The following SRP14 variants were observed in gnomAD, a reference collection of about 807,000 sequenced individuals.
SRP14 encodes the protein signal recognition particle 14, also known as signal recognition particle 14 kDa protein.
SRP14 carries 1 observed loss-of-function variant against 16.0 expected under a neutral mutation model. The ratio of observed to expected loss-of-function variants is 0.06; its 90% confidence interval spans 0.02 to 0.30. The LOEUF (loss-of-function observed/expected upper bound fraction) is 0.30, where lower values mean the gene tolerates loss of function less well. Ranked by LOEUF, SRP14 falls within the 10% of genes least tolerant of loss-of-function variation. The probability of loss-of-function intolerance (pLI) is 1.00; values close to 1 mark genes in which losing one functional copy is unlikely to be tolerated. For missense variants in SRP14, 120 were observed against 163.1 expected (o/e 0.74, Z 1.44); for synonymous variants, 67 against 60.1 (o/e 1.12, Z -0.53).
intron 3 of SRP14, chr15:40,037,279 G>GTAAAAAAAAAAAAAAAAA: frequency 1.3e-6 from 1 of 740,792 alleles, no homozygotes; most frequent in Non-Finnish European, 1.7e-6. Context: ...TCCTTTTGGG[G>GTAAAAAAAAAAAAAAAAA]AAAAAAAAAA....
chr15:40,036,789 C>CA (rs1268222092), intron 4 of SRP14, 197 bp downstream of exon 4: 3 of 680,208 alleles, frequency 4.4e-6, no homozygotes, highest in African/African-American at 1.8e-5. Flanking sequence ...CAGCCTAAGA[C>CA]AAAATCTAAC....
rs1567014648 is a variant in SRP14 at position 40,037,615 on chromosome 15, C to CGTGGGAGA, written c.211-598_211-597insTCTCCCAC. Among the ~76,000 whole-genome samples, 122 of 96,450 alleles carry CGTGGGAGA rather than the reference C, an allele frequency of 1.3e-3. 29 individuals carry two copies. The highest frequency in any genetic ancestry group is 3.6e-3 in the South Asian group (10 of 2,784). 63.3% of individuals were successfully genotyped at this position (96,450 alleles called of 152,430 possible). Reference sequence around the variant, plus strand: ...TAGAAGTCCTCTCAAGATAACTTGTCCTTAGGTTTTTGTTATTTCATGATA... The same window carrying CGTGGGAGA: ...TAGAAGTCCTCTCAAGATAACTTGTCGTGGGAGACTTAGGTTTTTGTTATTTCATGATA... On this transcript the variant is annotated intron_variant, in intron 3 of 4. Coordinates refer to ENST00000267884, the MANE Select transcript of SRP14 (RefSeq NM_003134.6).
rs754073133 is a variant in SRP14, at chr15:40,036,407, C to T, written c.337G>A (p.Ala113Thr). Residue 113 changes from alanine (A) to threonine (T), a missense_variant, in exon 5 of 5, where the codon GCA (alanine) becomes ACA (threonine). Physicochemically the swap from Ala to Thr is moderately conservative, Grantham distance 58. Around this residue, in one of 3 missense-constraint regions of SRP14, gnomAD observed 43 missense variants for 37.0 expected, o/e 1.16. Transcript: ENST00000267884. ...GCTGCTGCGGCAGGTGCTGCTGCTGCTGCTGCTGCTGCTGCTTTGGTCTTC... is the reference window on the plus strand; with the variant it reads ...GCTGCTGCGGCAGGTGCTGCTGCTGTTGCTGCTGCTGCTGCTTTGGTCTTC... ...TKKTKAAAAAAAAAPAAAATA... is the reference protein window; with the variant it reads ...TKKTKAAAAATAAAPAAAATA... 1.4e-5 allele frequency: 23 copies of T among 1,613,170 alleles called. No individual in the cohort carries two copies. The highest frequency in any genetic ancestry group is 4.4e-5 in the South Asian group (4 of 90,862).
intron 3 of SRP14, chr15:40,037,294 A>AAAAAAAAAAAAAT (rs2035641706): frequency 4.4e-6 from 6 of 1,352,652 alleles, no homozygotes; most frequent in East Asian, 7.0e-5. Flanking sequence ...AAAAAAAAAA[A>AAAAAAAAAAAAAT]GCTTTGTTTC....
Position 40,036,053 on chromosome 15 carries a change from A to G in SRP14, c.*280T>C, listed in dbSNP as rs1042372157. On this transcript the variant is annotated 3_prime_UTR_variant, in exon 5 of 5. Coordinates refer to ENST00000267884, the MANE Select transcript of SRP14 (RefSeq NM_003134.6). ...AAAGAGACAGTGCTGATAAACAGACATGTTTAATGATAGCTTGCTCTTCAC... is the reference window on the plus strand; with the variant it reads ...AAAGAGACAGTGCTGATAAACAGACGTGTTTAATGATAGCTTGCTCTTCAC... 6.3e-6 allele frequency: 3 copies of G among 473,862 alleles called. No homozygotes were observed. Among genetic ancestry groups the G allele is most frequent in the African/African-American group, 1.9e-5 (1 of 51,454 alleles). The allele number at this position is 473,862 out of a possible 1,614,324, so 29.4% of individuals were successfully genotyped here.
At position 40,036,630 on chromosome 15, in the gene SRP14, C is replaced by G. The variant is rs118134816; in HGVS notation, c.244-130G>C. 2,048 of 890,278 alleles carry G rather than the reference C, an allele frequency of 2.3e-3. 24 individuals carry two copies. The East Asian group carries it at 0.027, about 12-fold the overall frequency. The allele number at this position is 890,278 out of a possible 1,614,324, so 55.1% of individuals were successfully genotyped here. On this transcript the variant is annotated intron_variant, in intron 4 of 4. Transcript: ENST00000267884. ...ATATAGCACCATTGGACACTTGTAC[C>G]GGAAAATGGTATAAGCATAAAACAC...
chr15:40,036,945 T>C (rs1236676056), intron 4 of SRP14, 41 bp downstream of exon 4: 2 of 1,610,202 alleles, frequency 1.2e-6, no homozygotes, highest in Non-Finnish European at 1.7e-6. Flanking sequence ...ATACTGACTC[T>C]TGCCCTGAGA....
chr15:40,036,575 G>A, intron 4 of SRP14, 75 bp from the exon 5 acceptor site: 1 of 1,471,174 alleles, frequency 6.8e-7, no homozygotes, highest in East Asian at 2.3e-5. Context: ...TCTGCATAAT[G>A]GATTTAGGGT....
intron 3 of SRP14, chr15:40,037,280 A>T: frequency 2.3e-6 from 2 of 859,172 alleles, no homozygotes; most frequent in East Asian, 1.7e-4. Flanking sequence ...CCTTTTGGGG[A>T]AAAAAAAAAA....
intron 3 of SRP14, among the ~76,000 whole-genome samples, chr15:40,038,041 A>C (rs1052218196): frequency 2.0e-5 from 3 of 152,238 alleles, no homozygotes; most frequent in African/African-American, 7.2e-5. Context: ...ACTACGAATA[A>C]GGACCAATAT....
At chr15:40,036,663 C>T in intron 4 of SRP14, 163 bp from the exon 5 acceptor site, 1 of 760,596 alleles carries the variant, frequency 1.3e-6, no homozygotes, top group Non-Finnish European at 2.2e-6. Context: ...CACTCTTTCA[C>T]ATTATAGCAG....
At chr15:40,037,723 A>G (rs1295958885) in intron 3 of SRP14, among the ~76,000 whole-genome samples, 1 of 152,142 alleles carries the variant, frequency 6.6e-6, no homozygotes, top group African/African-American at 2.4e-5. Context: ...AACTAAGTAT[A>G]GTCTACATTT....
chr15:40,037,279 G>GTAAAAAAAAA lies in SRP14; in HGVS notation c.211-262_211-261insTTTTTTTTTA. ...TGAAAGGCAGTAGGCTCCTTTTGGGGAAAAAAAAAAAAAAAGCTTTGTTTC... is the reference window on the plus strand; with the variant it reads ...TGAAAGGCAGTAGGCTCCTTTTGGGGTAAAAAAAAAAAAAAAAAAAAAAAAGCTTTGTTTC... On this transcript the variant is annotated intron_variant, in intron 3 of 4. Coordinates refer to ENST00000267884, the MANE Select transcript of SRP14 (RefSeq NM_003134.6). 5.4e-6 allele frequency: 4 copies of GTAAAAAAAAA among 740,792 alleles called. No homozygotes were observed. The East Asian group carries it at 3.7e-4, about 69-fold the overall frequency. 45.9% of individuals were successfully genotyped at this position (740,792 alleles called of 1,614,324 possible).
chr15:40,037,422 A>G, intron 3 of SRP14: 1 of 1,032,428 alleles, frequency 9.7e-7, no homozygotes, highest in Non-Finnish European at 1.2e-6. Flanking sequence ...TATTTAAACT[A>G]CTCCCTCCCC....
chr15:40,037,077 A>T, intron 3 of SRP14, 59 bp from the exon 4 acceptor site: 1 of 1,569,502 alleles, frequency 6.4e-7, no homozygotes, highest in Admixed American at 1.8e-5. Flanking sequence ...CCTCTTCTCC[A>T]CCCCAGATAG....
chr15:40,037,325 G>C (rs12439544), intron 3 of SRP14: 1 of 1,214,680 alleles, frequency 8.2e-7, no homozygotes, highest in East Asian at 4.8e-5. Context: ...AAATCCCTTA[G>C]AAAGGTGGCA....
At chr15:40,037,279 GA>G (rs3215044) in intron 3 of SRP14, 12,593 of 741,172 alleles carry the variant, frequency 0.017, 5 homozygotes, top group East Asian at 0.082. Context: ...TCCTTTTGGG[GA>G]AAAAAAAAAA....
In SRP14 at chr15:40,038,865, C is replaced by T; in HGVS notation, c.97+11G>A. On this transcript the variant is annotated intron_variant, in intron 2 of 4. Transcript: ENST00000267884. ...CAGGGAGCATCGCCCGGCTCCCCTC[C>T]CGCTGCTTACACTTCTTCAAGGTGA... 6.2e-7 allele frequency: 1 copy of T among 1,613,486 alleles called. No individual in the cohort carries two copies.
In SRP14 at chr15:40,038,685, C is replaced by T. The variant is rs1422461580; in HGVS notation, c.97+191G>A. ...TGGGGCCCATTGTTACCAGAAGCAA[C>T]CTAGGCGGCTCAGTGCTGGGGACTG... is the stretch of plus-strand genomic sequence containing the variant. On this transcript the variant is annotated intron_variant, in intron 2 of 4. Transcript: ENST00000267884. 10 of 647,874 alleles carry T rather than the reference C, an allele frequency of 1.5e-5. No individual in the cohort carries two copies. In the East Asian group the frequency reaches 2.7e-4, roughly 18 times the overall value. 40.1% of individuals were successfully genotyped at this position (647,874 alleles called of 1,614,324 possible). A position where few individuals can be genotyped will look rare whatever the true frequency, so the allele number is the denominator to read the frequency against.
Sources: gnomAD v4.1 joint callset for allele counts (sites outside exome capture counted in the v4.1 genomes callset) on GRCh38, gnomAD v4.1.1 for gene constraint, gnomAD v4.1.1 regional missense constraint, MANE v1.5 for transcripts, NCBI Gene and HGNC (gene_info 2026-07-23, HGNC 2026-07-21) for gene names.